Variants in UNC5C observed in about 807,000 individuals in gnomAD.
UNC5C encodes the protein netrin receptor UNC5C.
UNC5C carries 47 observed loss-of-function variants against 99.8 expected under a neutral mutation model. That is an observed-to-expected ratio of 0.47 (90% CI 0.37 to 0.60). The LOEUF (loss-of-function observed/expected upper bound fraction) is 0.60. Among genes scored for constraint, UNC5C ranks in the 20% least tolerant of loss-of-function variants. The pLI is 0.00. For synonymous variants in UNC5C, 487 were observed against 452.2 expected, an observed-to-expected ratio of 1.08 and a Z score of -0.98; for missense variants, 1,062 against 1,165.9, an observed-to-expected ratio of 0.91 and a Z score of 1.30.
At chr4:95,417,097 G>C (rs1746185870) in intron 1 of UNC5C, among the ~76,000 whole-genome samples, 1 of 152,092 alleles carries the variant, frequency 6.6e-6, no homozygotes, top group South Asian at 2.1e-4. Flanking sequence ...CAAGTTTGTT[G>C]AACAAAAAAC....
chr4:95,192,365 T>G (rs1737175679), intron 12 of UNC5C, among the ~76,000 whole-genome samples: 1 of 89,438 alleles, frequency 1.1e-5, no homozygotes, highest in African/African-American at 4.5e-5. Context: ...ACTCCTCCCT[T>G]GCTCATCCTC....
intron 11 of UNC5C, among the ~76,000 whole-genome samples, chr4:95,203,737 T>C (rs1171219759): frequency 2.6e-5 from 4 of 152,198 alleles, no homozygotes; most frequent in Non-Finnish European, 5.9e-5. Context: ...GCGCTGGGAT[T>C]ACAGGTGTGA....
At chr4:95,302,079 C>T (rs1455831577) in intron 2 of UNC5C, among the ~76,000 whole-genome samples, 1 of 152,186 alleles carries the variant, frequency 6.6e-6, no homozygotes, top group Non-Finnish European at 1.5e-5. Context: ...TTGAGTTTCA[C>T]ATCTTCTAGG....
At chr4:95,407,612 A>G (rs1478456127) in intron 1 of UNC5C, among the ~76,000 whole-genome samples, 1 of 152,204 alleles carries the variant, frequency 6.6e-6, no homozygotes, top group Non-Finnish European at 1.5e-5. Context: ...TTTAGTATGT[A>G]GAAATCTAAG....
chr4:95,292,709 T>C (rs971205223), intron 3 of UNC5C, among the ~76,000 whole-genome samples: 1 of 152,238 alleles, frequency 6.6e-6, no homozygotes, highest in Non-Finnish European at 1.5e-5. Context: ...CCTGATGTTC[T>C]TGAATTCCTT....
chr4:95,208,820 T>A (rs1457968374), intron 10 of UNC5C, among the ~76,000 whole-genome samples: 1 of 152,230 alleles, frequency 6.6e-6, no homozygotes, highest in Non-Finnish European at 1.5e-5. Context: ...AATGGTCACT[T>A]GAAATGGATT....
chr4:95,169,160 C>T lies in UNC5C; in HGVS notation c.*74G>A. ...ATTGGTCTCATCTGGATTTCCTCCT[C>T]AGCTGTGATTCACCTGGACGGCCAC... is the stretch of plus-strand genomic sequence containing the variant. On this transcript the variant is annotated 3_prime_UTR_variant, in exon 16 of 16. Coordinates refer to ENST00000453304, the MANE Select transcript of UNC5C (RefSeq NM_003728.4). 3.8e-6 allele frequency: 6 copies of T among 1,578,202 alleles called. No individual in the cohort carries two copies. In the South Asian group the frequency reaches 5.9e-5, roughly 15 times the overall value.
chr4:95,178,465 C>A (rs201095223), intron 14 of UNC5C, among the ~76,000 whole-genome samples: 1 of 128,442 alleles, frequency 7.8e-6, no homozygotes, highest in Non-Finnish European at 1.7e-5. Context: ...ACATTTCTTT[C>A]TTTTTGGTGA....
intron 1 of UNC5C, among the ~76,000 whole-genome samples, chr4:95,465,805 G>A (rs1747755356): frequency 6.6e-6 from 1 of 152,112 alleles, no homozygotes. Context: ...TTTCAGGACT[G>A]GTATTACAAA....
intron 7 of UNC5C, among the ~76,000 whole-genome samples, chr4:95,233,181 T>C (rs1208088449): frequency 6.6e-6 from 1 of 152,214 alleles, no homozygotes; most frequent in Admixed American, 6.5e-5. Context: ...TGAGAATTAA[T>C]AGAAGAGCTG....
intron 14 of UNC5C, among the ~76,000 whole-genome samples, chr4:95,180,790 G>C (rs1310206432): frequency 5.3e-5 from 8 of 152,196 alleles, no homozygotes; most frequent in African/African-American, 1.9e-4. Flanking sequence ...CTGGGAGATA[G>C]GACATTGGAA....
chr4:95,419,460 ATCT>A (rs1007227416), intron 1 of UNC5C, among the ~76,000 whole-genome samples: 3 of 152,078 alleles, frequency 2.0e-5, no homozygotes, highest in African/African-American at 7.2e-5. Flanking sequence ...ATCATAATTG[ATCT>A]TCTGGCTTTT....
chr4:95,185,748 G>C (rs894048705), intron 12 of UNC5C, among the ~76,000 whole-genome samples: 3 of 151,860 alleles, frequency 2.0e-5, no homozygotes, highest in Admixed American at 1.3e-4. Context: ...AATATAAAAA[G>C]TTTGCTTAAA....
chr4:95,440,517 TA>T (rs1355488314), intron 1 of UNC5C, among the ~76,000 whole-genome samples: 1 of 152,200 alleles, frequency 6.6e-6, no homozygotes, highest in Non-Finnish European at 1.5e-5. Context: ...GTATGACTTT[TA>T]ATTAAAGTAT....
chr4:95,446,014 G>C (rs773592515), intron 1 of UNC5C, among the ~76,000 whole-genome samples: 2 of 152,090 alleles, frequency 1.3e-5, no homozygotes, highest in Non-Finnish European at 2.9e-5. Flanking sequence ...TGGGGGGGTG[G>C]AGTGGTTTTT....
intron 7 of UNC5C, among the ~76,000 whole-genome samples, chr4:95,229,956 G>A (rs538501025): frequency 1.1e-4 from 16 of 151,614 alleles, no homozygotes; most frequent in East Asian, 3.9e-4. Flanking sequence ...GATTACAGTC[G>A]TCTGCCACCA....
chr4:95,481,144 A>C (rs1346604330), intron 1 of UNC5C, among the ~76,000 whole-genome samples: 1 of 152,020 alleles, frequency 6.6e-6, no homozygotes, highest in African/African-American at 2.4e-5. Flanking sequence ...TTAAGCTGAT[A>C]AGAAACTTCA....
At chr4:95,437,077 C>T (rs1006339745) in intron 1 of UNC5C, among the ~76,000 whole-genome samples, 2 of 147,816 alleles carry the variant, frequency 1.4e-5, no homozygotes, top group Non-Finnish European at 3.0e-5. Context: ...AAAAACCTGA[C>T]AGAGCAAATC....
chr4:95,359,349 G>A (rs1176026775), intron 1 of UNC5C, among the ~76,000 whole-genome samples: 2 of 152,100 alleles, frequency 1.3e-5, no homozygotes, highest in South Asian at 2.1e-4. Flanking sequence ...AATCAGGCAT[G>A]TAACTTCTTT....
Sources: allele counts gnomAD v4.1 joint callset (sites outside exome capture counted in the v4.1 genomes callset), GRCh38; gene constraint gnomAD v4.1.1; transcripts MANE v1.5; gene names NCBI Gene and HGNC (gene_info 2026-07-23, HGNC 2026-07-21).